The following CYP27A1 variants were observed in gnomAD, a reference collection of about 807,000 sequenced individuals.
CYP27A1 encodes the protein cytochrome P450 family 27 subfamily A member 1.
CYP27A1 carries 46 observed loss-of-function variants against 58.2 expected under a neutral mutation model. That is an observed-to-expected ratio of 0.79 (90% CI 0.62 to 1.01). CYP27A1 has a LOEUF of 1.01. CYP27A1 is among the 50% of genes least tolerant of loss of function. The probability of loss-of-function intolerance (pLI) is 0.00; values close to 1 mark genes in which losing one functional copy is unlikely to be tolerated. For synonymous variants in CYP27A1, 274 were observed against 285.1 expected (o/e 0.96, Z 0.39); for missense variants, 704 against 687.0 (o/e 1.02, Z -0.28).
chr2:218,801,292 G>C (rs1037794567), intron 1 of CYP27A1, among the ~76,000 whole-genome samples: 2 of 152,152 alleles, frequency 1.3e-5, no homozygotes, highest in African/African-American at 4.8e-5. Context: ...ATCACGTGAG[G>C]TCAGGAGTTC....
chr2:218,814,853 C>G, intron 8 of CYP27A1, 58 bp from the exon 9 acceptor site: 7 of 1,613,982 alleles, frequency 4.3e-6, no homozygotes, highest in Non-Finnish European at 5.9e-6. Flanking sequence ...GTGTGCAGAG[C>G]GGGGAGTGGA....
chr2:218,806,621 C>T (rs1261175919), intron 1 of CYP27A1, among the ~76,000 whole-genome samples: 1 of 152,206 alleles, frequency 6.6e-6, no homozygotes, highest in Non-Finnish European at 1.5e-5. Flanking sequence ...GTTAGAAGGA[C>T]ATAGTTGTTT....
chr2:218,788,402 C>A (rs1943459155), intron 1 of CYP27A1, among the ~76,000 whole-genome samples: 1 of 152,218 alleles, frequency 6.6e-6, no homozygotes, highest in South Asian at 2.1e-4. Context: ...AGCACAGTAT[C>A]ATTTCCACTG....
intron 1 of CYP27A1, among the ~76,000 whole-genome samples, chr2:218,794,798 G>C (rs904758597): frequency 6.6e-6 from 1 of 152,144 alleles, no homozygotes; most frequent in Non-Finnish European, 1.5e-5. Context: ...CTTTTCAAAG[G>C]GGTCCTAGGG....
Position 218,815,172 on chromosome 2 carries a change from C to T in CYP27A1, c.*142C>T, listed in dbSNP as rs1355218545. The T allele has an allele frequency of 1.0e-6, 1 of 978,896 alleles. No homozygotes were observed. Among genetic ancestry groups the T allele is most frequent in the African/African-American group, 1.6e-5 (1 of 61,852 alleles). 60.6% of individuals were successfully genotyped at this position (978,896 alleles called of 1,614,324 possible). A position where few individuals can be genotyped will look rare whatever the true frequency, so the allele number is the denominator to read the frequency against. On this transcript the variant is annotated 3_prime_UTR_variant, in exon 9 of 9. Transcript: ENST00000258415. ...GGTGGGAGGAACTCCTTGCACACAC[C>T]CTGAGCTTTTGCCACTTCTATCATT... is the stretch of plus-strand genomic sequence containing the variant.
intron 1 of CYP27A1, among the ~76,000 whole-genome samples, chr2:218,804,115 T>C (rs753085565): frequency 6.6e-6 from 1 of 152,360 alleles, no homozygotes; most frequent in African/African-American, 2.4e-5. Flanking sequence ...TAAGAATTCA[T>C]TGACATATCC....
Position 218,802,953 on chromosome 2 carries a change from T to A in CYP27A1, c.256-6624T>A, listed in dbSNP as rs187560246. On this transcript the variant is annotated intron_variant, in intron 1 of 8. Transcript: ENST00000258415. Reference sequence around the variant, plus strand: ...TCTTTGCTTATTTAATTAATTAATTTATTTATTTTGAGGCAGAGTCTCATT... The same window carrying A: ...TCTTTGCTTATTTAATTAATTAATTAATTTATTTTGAGGCAGAGTCTCATT... Among the ~76,000 whole-genome samples, 307 of 152,326 alleles carry A rather than the reference T, an allele frequency of 2.0e-3. 3 individuals are homozygous for A. The highest frequency in any genetic ancestry group is 6.4e-3 in the African/African-American group (264 of 41,574).
intron 1 of CYP27A1, among the ~76,000 whole-genome samples, chr2:218,809,242 C>CTGGA (rs950757667): frequency 2.6e-5 from 4 of 152,106 alleles, no homozygotes; most frequent in Non-Finnish European, 4.4e-5. Flanking sequence ...AAATGCTGGC[C>CTGGA]TCCAACATAC....
chr2:218,782,566 T>C lies in CYP27A1; in HGVS notation c.255+129T>C. On this transcript the variant is annotated intron_variant, in intron 1 of 8. Coordinates refer to ENST00000258415, the MANE Select transcript of CYP27A1 (RefSeq NM_000784.4). The surrounding 1 kb of genome is among the most constrained non-coding windows in gnomAD (Gnocchi z 4.1). ...AGCTGGGGACCCACTGAGGCTATGGTCATAAACTGGAAATCAGTAGGGAGA... is the reference window on the plus strand; with the variant it reads ...AGCTGGGGACCCACTGAGGCTATGGCCATAAACTGGAAATCAGTAGGGAGA... 1 of 1,204,302 alleles carries C rather than the reference T, an allele frequency of 8.3e-7. No homozygotes were observed. The highest frequency in any genetic ancestry group is 2.4e-5 in the East Asian group (1 of 42,550). The allele number at this position is 1,204,302 out of a possible 1,614,324, so 74.6% of individuals were successfully genotyped here.
intron 1 of CYP27A1, among the ~76,000 whole-genome samples, chr2:218,801,610 G>A (rs1191391366): frequency 6.6e-6 from 1 of 151,966 alleles, no homozygotes; most frequent in African/African-American, 2.4e-5. Flanking sequence ...TGCAAAAACA[G>A]TCTCTGCAAA....
At chr2:218,788,988 C>T (rs1943466057) in intron 1 of CYP27A1, among the ~76,000 whole-genome samples, 1 of 152,148 alleles carries the variant, frequency 6.6e-6, no homozygotes, top group Non-Finnish European at 1.5e-5. Context: ...GGCCCAAAAG[C>T]CTCAGAGATG....
rs2105980008 is a variant in CYP27A1, at chr2:218,812,360, G to A, written c.585G>A (p.Glu195=). The change falls in exon 3 of 9, where the codon GAG becomes GAA. Residue 195 remains glutamate, a synonymous_variant. Transcript: ENST00000258415. ...FMTRLDQLRA[E]SASGNQVSDM... is the part of the protein sequence containing the mutation. Reference sequence around the variant, plus strand: ...CTCGACTGGACCAGCTGCGGGCAGAGAGTGCTTCGGGGAACCAGGTGTCGG... The same window carrying A: ...CTCGACTGGACCAGCTGCGGGCAGAAAGTGCTTCGGGGAACCAGGTGTCGG... 6.2e-7 allele frequency: 1 copy of A among 1,614,250 alleles called. No homozygotes were observed. The highest frequency in any genetic ancestry group is 8.5e-7 in the Non-Finnish European group (1 of 1,180,034).
chr2:218,784,898 C>T (rs1169170424), intron 1 of CYP27A1, among the ~76,000 whole-genome samples: 2 of 152,144 alleles, frequency 1.3e-5, no homozygotes, highest in Non-Finnish European at 2.9e-5. Flanking sequence ...ATCCTTTAAG[C>T]CAGTGGTCCC....
intron 1 of CYP27A1, among the ~76,000 whole-genome samples, chr2:218,807,228 G>C (rs1943661373): frequency 6.6e-6 from 1 of 151,966 alleles, no homozygotes; most frequent in African/African-American, 2.4e-5. Flanking sequence ...CAAAGTGCTG[G>C]GATTACAGGC....
Position 218,812,426 on chromosome 2 carries a change from C to T in CYP27A1, c.646+5C>T, listed in dbSNP as rs1943728200. 6.2e-7 allele frequency: 1 copy of T among 1,614,086 alleles called. No individual in the cohort carries two copies. The highest frequency in any genetic ancestry group is 8.5e-7 in the Non-Finnish European group (1 of 1,179,972). Reference sequence around the variant, plus strand: ...TCTACTACTTTGCCTTGGAAGGTACCCTTGCTGGGAGAGGGGCTGGGGAAG... The same window carrying T: ...TCTACTACTTTGCCTTGGAAGGTACTCTTGCTGGGAGAGGGGCTGGGGAAG... On this transcript the variant is annotated splice_donor_5th_base_variant and intron_variant, in intron 3 of 8. Transcript: ENST00000258415.
intron 1 of CYP27A1, among the ~76,000 whole-genome samples, chr2:218,796,692 A>G (rs1943550949): frequency 6.6e-6 from 1 of 152,248 alleles, no homozygotes; most frequent in African/African-American, 2.4e-5. Flanking sequence ...AGTTTTGTTC[A>G]CGGGCATATA....
intron 1 of CYP27A1, 105 bp from the exon 2 acceptor site, chr2:218,809,472 T>G: frequency 6.6e-6 from 2 of 301,730 alleles, no homozygotes; most frequent in African/African-American, 3.2e-5. Flanking sequence ...TTTGCCCAGC[T>G]CATTTGCTCT....
rs1943693932 is a variant in CYP27A1 at position 218,809,807 on chromosome 2, G to A, written c.446+40G>A. ...GAAGGGACTGGAACAGGGCCCCAGA[G>A]GGCCAGGGCGAAAGACAGTGGGCAC... On this transcript the variant is annotated intron_variant, in intron 2 of 8. Transcript: ENST00000258415. The A allele has an allele frequency of 2.5e-6, 4 of 1,588,592 alleles. 1 individual carries two copies. The South Asian group carries it at 3.4e-5, about 13-fold the overall frequency.
intron 1 of CYP27A1, among the ~76,000 whole-genome samples, chr2:218,791,384 T>C (rs1282548836): frequency 2.0e-5 from 3 of 152,188 alleles, no homozygotes; most frequent in Admixed American, 6.5e-5. Context: ...ATCCATGTAA[T>C]AAGGCTGGCT....
Sources: allele counts gnomAD v4.1 joint callset (sites outside exome capture counted in the v4.1 genomes callset), GRCh38; gene constraint gnomAD v4.1.1; non-coding constraint Gnocchi (gnomAD v3.1); transcripts MANE v1.5; gene names NCBI Gene and HGNC (gene_info 2026-07-23, HGNC 2026-07-21).